Variants in FBXL13 observed in about 807,000 individuals in gnomAD.
FBXL13 encodes the protein F-box and leucine-rich repeat protein 13.
Under a neutral mutation model 83.6 loss-of-function variants are expected in FBXL13, and 67 were observed. The ratio of observed to expected loss-of-function variants is 0.80; its 90% CI spans 0.66 to 0.98. The LOEUF (loss-of-function observed/expected upper bound fraction) is 0.98. Among genes scored for constraint, FBXL13 ranks in the 50% least tolerant of loss-of-function variants. FBXL13 has a pLI of 0.00. For missense variants in FBXL13, 822 were observed against 866.5 expected (o/e 0.95, Z 0.64); for synonymous variants, 272 against 299.5 (o/e 0.91, Z 0.95).
chr7:102,813,582 C>T, intron 19 of FBXL13, 51 bp from the exon 21 acceptor site: 1 of 1,563,986 alleles, frequency 6.4e-7, no homozygotes, highest in Non-Finnish European at 8.7e-7. Context: ...ACCCCTAGTG[C>T]AAAATTTTCA....
intron 6 of FBXL13, among the ~76,000 whole-genome samples, chr7:103,018,788 T>C (rs1398084844): frequency 1.3e-5 from 2 of 152,206 alleles, no homozygotes; most frequent in South Asian, 2.1e-4. Flanking sequence ...ATACTAAATA[T>C]GTATGCATCC....
chr7:102,953,154 G>A (rs975996196), intron 8 of FBXL13, among the ~76,000 whole-genome samples: 7 of 152,046 alleles, frequency 4.6e-5, no homozygotes, highest in African/African-American at 1.4e-4. Context: ...TACCTCATTC[G>A]ATGAAGCCAA....
chr7:102,992,845 G>A (rs968649332), intron 6 of FBXL13, among the ~76,000 whole-genome samples: 9 of 152,134 alleles, frequency 5.9e-5, no homozygotes, highest in African/African-American at 2.2e-4. Context: ...GGACCCCAGC[G>A]ATCCACCTGC....
intron 9 of FBXL13, among the ~76,000 whole-genome samples, chr7:102,927,322 T>G (rs1403564372): frequency 1.3e-5 from 2 of 152,170 alleles, no homozygotes; most frequent in South Asian, 2.1e-4. Flanking sequence ...CCAGAAAGAA[T>G]AGACCACTGC....
chr7:102,999,439 T>C (rs545532334), intron 6 of FBXL13, among the ~76,000 whole-genome samples: 2 of 152,232 alleles, frequency 1.3e-5, no homozygotes, highest in Non-Finnish European at 2.9e-5. Context: ...TAGAACAAGT[T>C]TGAAAATATT....
At chr7:102,984,321 G>A (rs1828669489) in intron 6 of FBXL13, among the ~76,000 whole-genome samples, 1 of 152,060 alleles carries the variant, frequency 6.6e-6, no homozygotes, top group South Asian at 2.1e-4. Context: ...CAGAGAAAAA[G>A]AACCAAGAAG....
At chr7:103,033,497 G>A (rs575147108) in intron 2 of FBXL13, among the ~76,000 whole-genome samples, 3 of 152,284 alleles carry the variant, frequency 2.0e-5, no homozygotes, top group Middle Eastern at 3.4e-3. Context: ...TCTGATGTTC[G>A]GATGTGTTCG....
At chr7:102,820,227 T>C (rs1471631390) in intron 19 of FBXL13, among the ~76,000 whole-genome samples, 1 of 152,222 alleles carries the variant, frequency 6.6e-6, no homozygotes, top group Non-Finnish European at 1.5e-5. Flanking sequence ...GTGGCCTCTT[T>C]AGACAACGAA....
chr7:102,889,009 T>G (rs1811167818), intron 11 of FBXL13, among the ~76,000 whole-genome samples: 1 of 152,222 alleles, frequency 6.6e-6, no homozygotes, highest in Non-Finnish European at 1.5e-5. Context: ...AGGCAATGTA[T>G]ATAAAAGTGA....
At chr7:103,030,976 G>GGGGAAAGGAAGGAAAGA (rs1273870781) in intron 2 of FBXL13, 17 of 152,144 alleles carry the variant, frequency 1.1e-4, no homozygotes, top group African/African-American at 4.1e-4. Context: ...GAGCGAGGGA[G>GGGGAAAGGAAGGAAAGA]GGGAAAGGAA....
At chr7:102,912,927 C>A in intron 11 of FBXL13, 159 bp downstream of exon 12, 2 of 922,916 alleles carry the variant, frequency 2.2e-6, no homozygotes, top group Middle Eastern at 3.5e-4. Flanking sequence ...AATAGCGATC[C>A]TGGGGAAAAT....
intron 1 of FBXL13, among the ~76,000 whole-genome samples, chr7:103,073,680 T>C (rs140577894): frequency 6.8e-4 from 104 of 152,266 alleles, no homozygotes; most frequent in East Asian, 6.2e-3. Context: ...CTAAAGTAGA[T>C]CCCTAGAAGT....
intron 8 of FBXL13, among the ~76,000 whole-genome samples, chr7:102,961,132 CAA>C (rs1825128113): frequency 6.6e-6 from 1 of 150,962 alleles, no homozygotes; most frequent in Non-Finnish European, 1.5e-5. Context: ...GCAACTTCAG[CAA>C]AGTCTCAGGA....
At chr7:102,986,019 C>T (rs558075486) in intron 6 of FBXL13, among the ~76,000 whole-genome samples, 2 of 140,404 alleles carry the variant, frequency 1.4e-5, no homozygotes, top group African/African-American at 2.6e-5. Flanking sequence ...GGCACGATGC[C>T]CCCCCCCCAT....
At position 102,897,837 on chromosome 7, in the gene FBXL13, TG is replaced by T. The variant is rs200727812; in HGVS notation, c.1009-13526del. ...AGAATTGAGTGAAACTTAGTTACTG[TG>T]GAAGTGAATATAAGATGACTTTAAT... On this transcript the variant is annotated intron_variant, in intron 11 of 19. Coordinates refer to ENST00000313221, the Ensembl canonical transcript of FBXL13. 3.7e-3 allele frequency among the ~76,000 whole-genome samples: 567 copies of T among 152,276 alleles called. 5 individuals carry two copies. Among genetic ancestry groups the T allele is most frequent in the African/African-American group, 0.013 (560 of 41,552 alleles).
At chr7:102,849,890 G>A (rs1804883579) in intron 17 of FBXL13, among the ~76,000 whole-genome samples, 1 of 152,076 alleles carries the variant, frequency 6.6e-6, no homozygotes. Context: ...TCAGGGTTGA[G>A]GGTGAGGGGA....
chr7:103,023,641 T>C (rs919257769), intron 6 of FBXL13, among the ~76,000 whole-genome samples: 1 of 152,196 alleles, frequency 6.6e-6, no homozygotes, highest in Non-Finnish European at 1.5e-5. Flanking sequence ...CAAAGGAATA[T>C]AAATCATTCT....
At chr7:102,886,838 G>A (rs1382581294) in intron 11 of FBXL13, among the ~76,000 whole-genome samples, 2 of 152,122 alleles carry the variant, frequency 1.3e-5, no homozygotes, top group Middle Eastern at 3.2e-3. Context: ...GAGAAAAAAT[G>A]CTAAGGGAAG....
intron 10 of FBXL13, among the ~76,000 whole-genome samples, chr7:102,916,517 C>G (rs1435303707): frequency 6.6e-6 from 1 of 152,138 alleles, no homozygotes; most frequent in African/African-American, 2.4e-5. Flanking sequence ...TTGGGTGGCC[C>G]TGTAGGCCTT....
Sources: gnomAD v4.1 joint callset for allele counts (sites outside exome capture counted in the v4.1 genomes callset) on GRCh38, gnomAD v4.1.1 for gene constraint, MANE v1.5 for transcripts, NCBI Gene and HGNC (gene_info 2026-07-23, HGNC 2026-07-21) for gene names.